GLP2R: variants seen among roughly 807,000 people sequenced by gnomAD.
The protein encoded by GLP2R is glucagon like peptide 2 receptor.
Under a neutral mutation model 68.2 loss-of-function variants are expected in GLP2R, and 59 were observed. The ratio of observed to expected loss-of-function variants is 0.87; its 90% CI spans 0.70 to 1.07. The LOEUF (loss-of-function observed/expected upper bound fraction) is 1.07, where lower values mean the gene tolerates loss of function less well. Among genes scored for constraint, GLP2R ranks in the 50% least tolerant of loss-of-function variants. The pLI, the probability that GLP2R is intolerant of heterozygous loss-of-function variation, is 0.00. For missense variants in GLP2R, 548 were observed against 677.4 expected (o/e 0.81, Z 2.12); for synonymous variants, 270 against 265.4 (o/e 1.02, Z -0.17).
intron 11 of GLP2R, among the ~76,000 whole-genome samples, chr17:9,881,616 G>A (rs1261273593): frequency 3.0e-5 from 4 of 135,448 alleles, no homozygotes; most frequent in South Asian, 2.1e-4. Context: ...TCCTGACCTC[G>A]TGATCCGCCC....
In GLP2R at chr17:9,887,900, A is replaced by AGATTTTAT. The variant is rs758022743; in HGVS notation, c.1285-30_1285-23dup. 1.1e-5 allele frequency: 17 copies of AGATTTTAT among 1,576,148 alleles called. No homozygotes were observed. In the East Asian group the frequency reaches 3.1e-4, roughly 29 times the overall value. On this transcript the variant is annotated intron_variant, in intron 11 of 12. Coordinates refer to ENST00000262441, the MANE Select transcript of GLP2R (RefSeq NM_004246.3). ...TCTCAGACACATCTTCTCCGGAGTC[A>AGATTTTAT]GATTTTATGCCATGTCCTCCTTTTG...
rs1399820674 is a variant in GLP2R, at chr17:9,870,774, C to T, written c.1084C>T (p.Leu362Phe). 1 of 1,570,348 alleles carries T rather than the reference C, an allele frequency of 6.4e-7. No homozygotes were observed. The highest frequency in any genetic ancestry group is 8.8e-7 in the Non-Finnish European group (1 of 1,139,840). ...TVNFFIFLKI[L>F]KLLISKLKAH... ...CAATTTCTTCATCTTCCTGAAAATT[C>T]TCAAGCTTCTCATTTCTAAGCTCAA... Residue 362 changes from leucine to phenylalanine, a missense_variant, in exon 10 of 13, where the codon CTC (leucine) becomes TTC (phenylalanine). Leu to Phe is a conservative substitution (Grantham distance 22). Coordinates refer to ENST00000262441, the MANE Select transcript of GLP2R (RefSeq NM_004246.3).
chr17:9,862,467 G>A (rs1202856009), intron 9 of GLP2R, among the ~76,000 whole-genome samples: 4 of 152,194 alleles, frequency 2.6e-5, no homozygotes, highest in Non-Finnish European at 4.4e-5. Flanking sequence ...GAGGGAGGAA[G>A]AGACTAAGGG....
rs1567737211 is a variant in GLP2R, at chr17:9,879,267, A to AATATAAAAT, written c.1146-1110_1146-1109insTATAAAATA. Among the ~76,000 whole-genome samples the AATATAAAAT allele has an allele frequency of 1.6e-4, 3 of 18,278 alleles. No homozygotes were observed. The East Asian group carries it at 7.7e-3, about 47-fold the overall frequency. 12.0% of individuals were successfully genotyped at this position (18,278 alleles called of 152,430 possible). ...AGATCCCCTCTCTATAAAATAAAAT[A>AATATAAAAT]AAATAAAATAAAATAAAATAAAATA... is the stretch of plus-strand genomic sequence containing the variant. On this transcript the variant is annotated intron_variant, in intron 10 of 12. Transcript: ENST00000262441.
intron 11 of GLP2R, among the ~76,000 whole-genome samples, 159 bp downstream of exon 11, chr17:9,880,675 C>G (rs991794353): frequency 1.3e-5 from 2 of 152,122 alleles, no homozygotes; most frequent in Non-Finnish European, 2.9e-5. Flanking sequence ...GGCATGCAGA[C>G]GGGGAAGTAT....
chr17:9,879,009 A>T (rs1043282331), intron 10 of GLP2R, among the ~76,000 whole-genome samples: 1 of 152,094 alleles, frequency 6.6e-6, no homozygotes, highest in East Asian at 1.9e-4. Flanking sequence ...TACCCCGAAT[A>T]TGAGTCATCT....
At chr17:9,831,745 C>A (rs1303909908) in intron 1 of GLP2R, among the ~76,000 whole-genome samples, 1 of 152,156 alleles carries the variant, frequency 6.6e-6, no homozygotes, top group Non-Finnish European at 1.5e-5. Flanking sequence ...CTGGCCTGTT[C>A]TCCTGTCACT....
chr17:9,865,071 C>T (rs2067022413), intron 9 of GLP2R, among the ~76,000 whole-genome samples: 1 of 152,094 alleles, frequency 6.6e-6, no homozygotes, highest in Non-Finnish European at 1.5e-5. Flanking sequence ...TTGTGGTGGA[C>T]TCCTCATCTT....
intron 3 of GLP2R, among the ~76,000 whole-genome samples, chr17:9,842,235 A>G (rs977990503): frequency 2.6e-5 from 4 of 152,194 alleles, no homozygotes; most frequent in African/African-American, 9.6e-5. Context: ...GGCTTATAAC[A>G]TCACTGAGTC....
chr17:9,875,601 G>A (rs746720414), intron 10 of GLP2R, among the ~76,000 whole-genome samples: 8 of 152,190 alleles, frequency 5.3e-5, no homozygotes, highest in Admixed American at 1.3e-4. Flanking sequence ...GGCTTCCACC[G>A]TCAAGCAAAG....
intron 4 of GLP2R, among the ~76,000 whole-genome samples, chr17:9,848,078 TA>T (rs760107500): frequency 2.6e-5 from 4 of 152,224 alleles, no homozygotes; most frequent in Non-Finnish European, 4.4e-5. Flanking sequence ...GGATTTGAGT[TA>T]ACAGAATCCT....
intron 4 of GLP2R, among the ~76,000 whole-genome samples, chr17:9,854,176 C>A (rs1397184466): frequency 6.6e-6 from 1 of 152,202 alleles, no homozygotes; most frequent in Non-Finnish European, 1.5e-5. Flanking sequence ...TGTTCTCATT[C>A]CCAAGGCATC....
At chr17:9,886,592 G>C (rs79311364) in intron 11 of GLP2R, among the ~76,000 whole-genome samples, 5,586 of 152,276 alleles carry the variant, frequency 0.037, 338 homozygotes, top group African/African-American at 0.13. Flanking sequence ...AAATGATTAA[G>C]TGATAACAGT....
chr17:9,846,860 C>G (rs1051552875), intron 4 of GLP2R, among the ~76,000 whole-genome samples: 4 of 152,208 alleles, frequency 2.6e-5, no homozygotes, highest in African/African-American at 9.7e-5. Flanking sequence ...AGGAGACAAA[C>G]TGGTCCAAGA....
chr17:9,872,803 C>T (rs2067107207), intron 10 of GLP2R, among the ~76,000 whole-genome samples: 2 of 152,146 alleles, frequency 1.3e-5, no homozygotes, highest in Admixed American at 6.5e-5. Flanking sequence ...TCATCTCCTG[C>T]TTATTATGAG....
chr17:9,852,037 G>A (rs1173508800), intron 4 of GLP2R, among the ~76,000 whole-genome samples: 1 of 148,404 alleles, frequency 6.7e-6, no homozygotes. Context: ...GGAGAGAAAT[G>A]TATAGCATTT....
intron 4 of GLP2R, among the ~76,000 whole-genome samples, chr17:9,844,665 ATTCTTTTTTTTTTTTTTTTTT>A (rs2066819966): frequency 1.9e-5 from 1 of 52,950 alleles, no homozygotes; most frequent in Admixed American, 2.2e-4. Flanking sequence ...TTACTACCTA[ATTCTTTTTTTTTTTTTTTTTT>A]TTTTTTTTTT....
At chr17:9,838,632 T>TA (rs779277699) in intron 3 of GLP2R, among the ~76,000 whole-genome samples, 12 of 151,494 alleles carry the variant, frequency 7.9e-5, no homozygotes, top group African/African-American at 1.5e-4. Context: ...TAAAGCCTCT[T>TA]TAAAAAAAAA....
At chr17:9,857,007 C>T (rs989170321) in intron 5 of GLP2R, among the ~76,000 whole-genome samples, 27 of 152,016 alleles carry the variant, frequency 1.8e-4, no homozygotes, top group Admixed American at 1.3e-3. Context: ...CTGCAACCTC[C>T]GACTCCCTGG....
Sources: gnomAD v4.1 joint callset for allele counts (sites outside exome capture counted in the v4.1 genomes callset) on GRCh38, gnomAD v4.1.1 for gene constraint, MANE v1.5 for transcripts, NCBI Gene and HGNC (gene_info 2026-07-23, HGNC 2026-07-21) for gene names.